The following SHOC1 variants were observed in gnomAD, a reference collection of about 807,000 sequenced individuals.
The protein encoded by SHOC1 is protein shortage in chiasmata 1 ortholog.
SHOC1 carries 136 observed loss-of-function variants against 179.2 expected under a neutral mutation model. That is an observed-to-expected ratio of 0.76 (90% CI 0.66 to 0.87). The LOEUF is 0.87. Ranked by LOEUF, SHOC1 falls within the 40% of genes least tolerant of loss-of-function variation. SHOC1 has a pLI of 0.00. For synonymous variants in SHOC1, 489 were observed against 586.6 expected, an observed-to-expected ratio of 0.83 and a Z score of 2.41; for missense variants, 1,538 against 1,700.8, an observed-to-expected ratio of 0.90 and a Z score of 1.68.
intron 2 of SHOC1, among the ~76,000 whole-genome samples, 163 bp from the exon 3 acceptor site, chr9:111,786,198 G>C: frequency 6.6e-6 from 1 of 152,136 alleles, no homozygotes; most frequent in East Asian, 1.9e-4. Flanking sequence ...CACTTTGGGA[G>C]GCCCAGGCGG....
intron 24 of SHOC1, among the ~76,000 whole-genome samples, chr9:111,696,497 G>C (rs1365539859): frequency 6.6e-6 from 1 of 152,200 alleles, no homozygotes; most frequent in Non-Finnish European, 1.5e-5. Context: ...ATTGACCATA[G>C]TTGCCTCTCA....
intron 13 of SHOC1, among the ~76,000 whole-genome samples, chr9:111,724,803 T>C (rs1833224555): frequency 6.6e-6 from 1 of 152,224 alleles, no homozygotes; most frequent in African/African-American, 2.4e-5. Flanking sequence ...ACTTGCCACA[T>C]TGAATTGAAA....
At chr9:111,772,203 G>T (rs1405069948) in intron 5 of SHOC1, among the ~76,000 whole-genome samples, 3 of 151,900 alleles carry the variant, frequency 2.0e-5, no homozygotes, top group African/African-American at 7.3e-5. Flanking sequence ...CTAATTAGTT[G>T]TTCAGCTCAG....
At chr9:111,788,452 T>A (rs167566) in intron 2 of SHOC1, among the ~76,000 whole-genome samples, 122,704 of 152,182 alleles carry the variant, frequency 0.81, 49,646 homozygotes, top group East Asian at 0.92. Flanking sequence ...CAAAAAATTC[T>A]CATGACTGAC....
At chr9:111,727,129 AT>A (rs113196439) in intron 13 of SHOC1, among the ~76,000 whole-genome samples, 2,124 of 152,320 alleles carry the variant, frequency 0.014, 48 homozygotes, top group African/African-American at 0.048. Context: ...ATGACACATT[AT>A]ATTACCTTTG....
rs1564161086 is a variant in SHOC1, at chr9:111,769,975, G to GTTTGTTTTTTTTTTT, written c.442+5815_442+5816insAAAAAAAAAAACAAA. Among the ~76,000 whole-genome samples, 14 of 87,790 alleles carry GTTTGTTTTTTTTTTT rather than the reference G, an allele frequency of 1.6e-4. 1 individual carries two copies. Among genetic ancestry groups the GTTTGTTTTTTTTTTT allele is most frequent in the Admixed American group, 3.2e-4 (3 of 9,232 alleles). The allele number at this position is 87,790 out of a possible 152,430, so 57.6% of individuals were successfully genotyped here. On this transcript the variant is annotated intron_variant, in intron 5 of 27. Coordinates refer to ENST00000682961, the MANE Select transcript of SHOC1 (RefSeq NM_001378211.1). Reference sequence around the variant, plus strand: ...AATCTAGCGAAAGGTTTTATCTTCTGTTTTTTTTTTGTTTTTTTTTTTTTT... The same window carrying GTTTGTTTTTTTTTTT: ...AATCTAGCGAAAGGTTTTATCTTCTGTTTGTTTTTTTTTTTTTTTTTTTTTGTTTTTTTTTTTTTT...
intron 22 of SHOC1, 74 bp downstream of exon 22, chr9:111,703,807 G>T (rs1832103085): frequency 5.5e-6 from 4 of 732,278 alleles, no homozygotes; most frequent in African/African-American, 3.6e-5. Context: ...ACTTCCTACA[G>T]AAAAGATAAT....
At chr9:111,758,439 T>C (rs1371978045) in intron 6 of SHOC1, among the ~76,000 whole-genome samples, 2 of 152,050 alleles carry the variant, frequency 1.3e-5, no homozygotes, top group African/African-American at 4.8e-5. Context: ...CTACTAAAAA[T>C]ACAAAAATTA....
intron 24 of SHOC1, among the ~76,000 whole-genome samples, chr9:111,698,044 T>C (rs1831787340): frequency 6.6e-6 from 1 of 152,190 alleles, no homozygotes; most frequent in Admixed American, 6.5e-5. Flanking sequence ...GGTTGTTTGA[T>C]TTTTTCTTGT....
At chr9:111,740,837 G>A (rs1015597368) in intron 11 of SHOC1, among the ~76,000 whole-genome samples, 17 of 152,196 alleles carry the variant, frequency 1.1e-4, no homozygotes, top group Non-Finnish European at 2.1e-4. Context: ...CTCCCAAAGT[G>A]CTGGGATTAC....
rs1462087701 is a variant in SHOC1, at chr9:111,738,477, A to G, written c.1220T>C (p.Leu407Ser). 1 of 1,601,874 alleles carries G rather than the reference A, an allele frequency of 6.2e-7. No individual in the cohort carries two copies. The highest frequency in any genetic ancestry group is 1.8e-5 in the Admixed American group (1 of 56,742). The change falls in exon 12 of 28, where the codon TTG becomes TCG. Residue 407 changes from leucine (L) to serine (S), a missense_variant. Physicochemically the swap from Leu to Ser is moderately radical, Grantham distance 145 (BLOSUM62 -2). Transcript: ENST00000682961. ...TTCTTTAACAGAAAATATCTTTTTC[A>G]AATCTGTAACTGAATATTGGCTGTG... ...EPHSQYSVTDLKKIFSVKEES... is the reference protein window; with the variant it reads ...EPHSQYSVTDSKKIFSVKEES...
In SHOC1 at chr9:111,700,042, A is replaced by G. The variant is rs6477845; in HGVS notation, c.3095T>C (p.Leu1032Pro). 1,233,907 of 1,544,258 alleles carry G rather than the reference A, an allele frequency of 0.8. 494,419 individuals are homozygous for G. The highest frequency in any genetic ancestry group is 0.93 in the East Asian group (41,128 of 44,188). ...GTGATGAAGTGTCTTTTCTGTAAGC[A>G]GATACCTACAAAGAATTATATTACT... ...YTKETLNSEY[L>P]LTEKTLHHLA... is the part of the protein sequence containing the mutation. The change falls in exon 24 of 28, where the codon CTG (leucine) becomes CCG (proline). Residue 1032 changes from leucine (L) to proline (P), a missense_variant. Leu to Pro is a moderately conservative substitution (Grantham distance 98, BLOSUM62 -3). Coordinates refer to ENST00000682961, the MANE Select transcript of SHOC1 (RefSeq NM_001378211.1).
intron 27 of SHOC1, among the ~76,000 whole-genome samples, chr9:111,690,121 G>C (rs1831361999): frequency 2.6e-5 from 4 of 152,032 alleles, no homozygotes; most frequent in African/African-American, 9.7e-5. Flanking sequence ...ATATTTAACA[G>C]CATATTAAAA....
intron 10 of SHOC1, 127 bp from the exon 11 acceptor site, chr9:111,741,697 T>C (rs1365732765): frequency 9.3e-6 from 4 of 431,398 alleles, no homozygotes; most frequent in Non-Finnish European, 1.6e-5. Context: ...ACAGTGGCAC[T>C]ATCTTGGCTC....
intron 5 of SHOC1, among the ~76,000 whole-genome samples, chr9:111,766,364 G>A (rs1005383593): frequency 6.6e-6 from 1 of 152,204 alleles, no homozygotes; most frequent in African/African-American, 2.4e-5. Flanking sequence ...ACATGGGAGT[G>A]CAGATGTCTT....
rs765841554 is a variant in SHOC1, at chr9:111,746,315, AGAG to A, written c.995_997del (p.Pro332del). 2 of 1,610,548 alleles carry A rather than the reference AGAG, an allele frequency of 1.2e-6. No individual in the cohort carries two copies. Among genetic ancestry groups the A allele is most frequent in the South Asian group, 2.2e-5 (2 of 91,000 alleles). On this transcript the variant is annotated inframe_deletion, in exon 10 of 28. Transcript: ENST00000682961. ...TGAAGAATGTTGGCATGTTAGGAAT[AGAG>A]GAGTTAGTGGCATTTCTAACTCTCC...
At chr9:111,692,556 T>C in intron 26 of SHOC1, 45 bp from the exon 27 acceptor site, 1 of 1,384,742 alleles carries the variant, frequency 7.2e-7, no homozygotes, top group South Asian at 1.4e-5. Context: ...TTAGTAAATA[T>C]AAATAATGAT....
At chr9:111,754,675 T>A (rs1834773967) in intron 8 of SHOC1, among the ~76,000 whole-genome samples, 1 of 151,894 alleles carries the variant, frequency 6.6e-6, no homozygotes, top group South Asian at 2.1e-4. Flanking sequence ...CATAGCAGGA[T>A]TACTTTTAAG....
At chr9:111,760,303 A>AT in intron 5 of SHOC1, among the ~76,000 whole-genome samples, 1 of 152,336 alleles carries the variant, frequency 6.6e-6, no homozygotes, top group Admixed American at 6.5e-5. Context: ...AAGGTTGTTT[A>AT]TAGCAAGAGT....
Sources: gnomAD v4.1 joint callset for allele counts (sites outside exome capture counted in the v4.1 genomes callset) on GRCh38, gnomAD v4.1.1 for gene constraint, MANE v1.5 for transcripts, NCBI Gene and HGNC (gene_info 2026-07-23, HGNC 2026-07-21) for gene names.